The following PDGFC variants were observed in gnomAD, a reference collection of about 807,000 sequenced individuals.
PDGFC encodes the protein platelet-derived growth factor C.
Under a neutral mutation model 35.5 loss-of-function variants are expected in PDGFC, and 12 were observed. The ratio of observed to expected loss-of-function variants is 0.34; its 90% CI spans 0.22 to 0.55. PDGFC has a LOEUF of 0.55. Ranked by LOEUF, PDGFC falls within the 20% of genes least tolerant of loss-of-function variation. PDGFC has a pLI of 0.91. For synonymous variants in PDGFC, 159 were observed against 148.8 expected, an observed-to-expected ratio of 1.07 and a Z score of -0.50; for missense variants, 322 against 412.4, an observed-to-expected ratio of 0.78 and a Z score of 1.90.
chr4:156,804,157 T>C (rs1006061875), intron 3 of PDGFC, among the ~76,000 whole-genome samples: 3 of 152,146 alleles, frequency 2.0e-5, no homozygotes, highest in Admixed American at 2.0e-4. Context: ...TTCATTTGTT[T>C]GAATATAAAA....
intron 1 of PDGFC, among the ~76,000 whole-genome samples, chr4:156,881,948 C>T (rs1437417382): frequency 6.6e-6 from 1 of 151,972 alleles, no homozygotes; most frequent in Non-Finnish European, 1.5e-5. Flanking sequence ...TGAGGCCTCC[C>T]CAGACATGTG....
intron 1 of PDGFC, among the ~76,000 whole-genome samples, chr4:156,895,251 A>C (rs2111204448): frequency 6.6e-6 from 1 of 152,336 alleles, no homozygotes; most frequent in South Asian, 2.1e-4. Flanking sequence ...ATTTCTAAAT[A>C]AAATCATAAT....
At chr4:156,841,837 G>T (rs1729213254) in intron 2 of PDGFC, among the ~76,000 whole-genome samples, 1 of 152,110 alleles carries the variant, frequency 6.6e-6, no homozygotes, top group Non-Finnish European at 1.5e-5. Flanking sequence ...CATGAGAATG[G>T]ACTAATACAC....
chr4:156,768,046 T>A (rs1003941407), intron 4 of PDGFC, 56 bp from the exon 5 acceptor site: 1 of 990,804 alleles, frequency 1.0e-6, no homozygotes, highest in Non-Finnish European at 1.6e-6. Flanking sequence ...TGAGCCTGAA[T>A]GTATTTCATT....
At chr4:156,820,894 T>G (rs188050942) in intron 2 of PDGFC, among the ~76,000 whole-genome samples, 1 of 152,274 alleles carries the variant, frequency 6.6e-6, no homozygotes, top group East Asian at 1.9e-4. Flanking sequence ...CTCATTAAAG[T>G]TAGAACAAGG....
chr4:156,845,063 C>T (rs978933907), intron 2 of PDGFC, among the ~76,000 whole-genome samples: 2 of 151,684 alleles, frequency 1.3e-5, no homozygotes, highest in Admixed American at 6.6e-5. Flanking sequence ...ATTCTTTATT[C>T]AAAACACAAC....
intron 5 of PDGFC, among the ~76,000 whole-genome samples, chr4:156,764,255 A>C (rs1395341525): frequency 6.6e-6 from 1 of 152,226 alleles, no homozygotes; most frequent in African/African-American, 2.4e-5. Flanking sequence ...CTATTTAAAG[A>C]CTTAAAAGAA....
intron 1 of PDGFC, among the ~76,000 whole-genome samples, chr4:156,958,213 C>T (rs1435658854): frequency 1.3e-5 from 2 of 151,726 alleles, no homozygotes; most frequent in African/African-American, 4.8e-5. Flanking sequence ...CAGCTTCAGA[C>T]AGGTACCTAA....
At chr4:156,965,931 G>A (rs141190499) in intron 1 of PDGFC, among the ~76,000 whole-genome samples, 1 of 152,122 alleles carries the variant, frequency 6.6e-6, no homozygotes, top group African/African-American at 2.4e-5. Context: ...GGCCAGCAGG[G>A]TTGCAGAAGT....
chr4:156,779,083 C>T lies in PDGFC; in HGVS notation c.496-6190G>A, dbSNP rs867509893. 2.4e-5 allele frequency: 11 copies of T among 455,568 alleles called. 2 individuals carry two copies. Among genetic ancestry groups the T allele is most frequent in the South Asian group, 6.2e-5 (4 of 64,482 alleles). The allele number at this position is 455,568 out of a possible 1,614,324, so 28.2% of individuals were successfully genotyped here. A position where few individuals can be genotyped will look rare whatever the true frequency, so the allele number is the denominator to read the frequency against. ...TCAAACTGATATATTGTACAGAGGT[C>T]TTACTTTTAAAGAGCCTAAGCAGCA... is the stretch of plus-strand genomic sequence containing the variant. On this transcript the variant is annotated intron_variant, in intron 3 of 5. Coordinates refer to ENST00000502773, the MANE Select transcript of PDGFC (RefSeq NM_016205.3).
At chr4:156,801,873 C>A (rs10003251) in intron 3 of PDGFC, among the ~76,000 whole-genome samples, 3 of 152,256 alleles carry the variant, frequency 2.0e-5, no homozygotes, top group Admixed American at 1.3e-4. Flanking sequence ...CTCAGTCATA[C>A]AAGACACTGC....
At position 156,830,635 on chromosome 4, in the gene PDGFC, C is replaced by A. The variant is rs1489294223; in HGVS notation, c.314+19586G>T. Among the ~76,000 whole-genome samples, 3 of 152,184 alleles carry A rather than the reference C, an allele frequency of 2.0e-5. No individual in the cohort carries two copies. The South Asian group carries it at 6.2e-4, about 31-fold the overall frequency. On this transcript the variant is annotated intron_variant, in intron 2 of 5. Coordinates refer to ENST00000502773, the MANE Select transcript of PDGFC (RefSeq NM_016205.3). ...TAATAGTCCTGTCATAGGTCAAGAACGTACTTTATATCACCAAGTTATGAC... is the reference window on the plus strand; with the variant it reads ...TAATAGTCCTGTCATAGGTCAAGAAAGTACTTTATATCACCAAGTTATGAC...
intron 3 of PDGFC, among the ~76,000 whole-genome samples, chr4:156,791,098 C>T (rs111470110): frequency 0.061 from 9,270 of 152,174 alleles, 394 homozygotes; most frequent in Middle Eastern, 0.11. Context: ...CAATGCAAAG[C>T]CTGGCATTTT....
rs1004913882 is a variant in PDGFC at position 156,761,380 on chromosome 4, T to G, written c.*1710A>C. Reference sequence around the variant, plus strand: ...CCAAGCATTTCATAAACCATACAACTTTCAAGTCAGGTGAAACTTAAATTA... The same window carrying G: ...CCAAGCATTTCATAAACCATACAACGTTCAAGTCAGGTGAAACTTAAATTA... On this transcript the variant is annotated 3_prime_UTR_variant, in exon 6 of 6. Coordinates refer to ENST00000502773, the MANE Select transcript of PDGFC (RefSeq NM_016205.3). 3 of 152,148 alleles carry G rather than the reference T, an allele frequency of 2.0e-5. No individual in the cohort carries two copies. The highest frequency in any genetic ancestry group is 2.9e-5 in the Non-Finnish European group (2 of 68,024). 9.4% of individuals were successfully genotyped at this position (152,148 alleles called of 1,614,324 possible).
chr4:156,946,152 T>C (rs1485652608), intron 1 of PDGFC, among the ~76,000 whole-genome samples: 1 of 151,984 alleles, frequency 6.6e-6, no homozygotes, highest in Non-Finnish European at 1.5e-5. Flanking sequence ...CTACAGAAAG[T>C]ACTAGTTGTT....
chr4:156,908,336 T>C (rs970812477), intron 1 of PDGFC, among the ~76,000 whole-genome samples: 4 of 152,154 alleles, frequency 2.6e-5, no homozygotes, highest in Non-Finnish European at 5.9e-5. Flanking sequence ...ATATAATACT[T>C]TGTGAAAGGC....
intron 1 of PDGFC, among the ~76,000 whole-genome samples, chr4:156,930,140 G>A (rs768822313): frequency 3.9e-5 from 6 of 152,094 alleles, no homozygotes; most frequent in Non-Finnish European, 7.4e-5. Context: ...TGGGTAACTC[G>A]CCTACATTGT....
intron 1 of PDGFC, among the ~76,000 whole-genome samples, chr4:156,920,581 T>A (rs1254778385): frequency 6.6e-6 from 1 of 151,492 alleles, no homozygotes; most frequent in Non-Finnish European, 1.5e-5. Context: ...AAAAAAATGA[T>A]CTAAGAAAGT....
chr4:156,824,327 TACACAC>T (rs1204930651), intron 2 of PDGFC, among the ~76,000 whole-genome samples: 4 of 102,844 alleles, frequency 3.9e-5, no homozygotes, highest in Admixed American at 2.0e-4. Flanking sequence ...TATATATATA[TACACAC>T]ACACACACAC....
Sources: gnomAD v4.1 joint callset for allele counts (sites outside exome capture counted in the v4.1 genomes callset) on GRCh38, gnomAD v4.1.1 for gene constraint, MANE v1.5 for transcripts, NCBI Gene and HGNC (gene_info 2026-07-23, HGNC 2026-07-21) for gene names.